RUNX1T1: variants seen among roughly 807,000 people sequenced by gnomAD.
The protein encoded by RUNX1T1 is protein CBFA2T1.
A neutral mutation model predicts 62.8 loss-of-function variants in RUNX1T1; 4 were observed. The observed-to-expected ratio is 0.06, with a 90% CI of 0.03 to 0.15. The LOEUF is 0.15. Among genes scored for constraint, RUNX1T1 ranks in the 10% least tolerant of loss-of-function variants. RUNX1T1 has a pLI of 1.00. For missense variants in RUNX1T1, 508 were observed against 754.3 expected (o/e 0.67, Z 3.82); for synonymous variants, 291 against 286.0 (o/e 1.02, Z -0.18).
chr8:92,103,104 G>A (rs1351191553), upstream of RUNX1T1: 2 of 416,552 alleles, frequency 4.8e-6, no homozygotes, highest in South Asian at 8.3e-5. Flanking sequence ...CCCGGGGTCG[G>A]GGACGCCAGC....
upstream of RUNX1T1, among the ~76,000 whole-genome samples, chr8:92,064,612 T>C (rs1008466603): frequency 2.6e-5 from 4 of 152,176 alleles, no homozygotes; most frequent in African/African-American, 9.6e-5. Context: ...TAATGCTACA[T>C]GCCACTGATT....
At chr8:91,975,577 T>C in intron 9 of RUNX1T1, among the ~76,000 whole-genome samples, 1 of 151,048 alleles carries the variant, frequency 6.6e-6, no homozygotes, top group East Asian at 2.0e-4. Context: ...AAAAAATGCA[T>C]GCAAGCTAAG....
intron 1 of RUNX1T1, among the ~76,000 whole-genome samples, chr8:92,017,918 A>C (rs1220794185): frequency 6.6e-6 from 1 of 152,224 alleles, no homozygotes; most frequent in Non-Finnish European, 1.5e-5. Flanking sequence ...CCCTGTTTTA[A>C]AAATCACTGC....
intron 1 of RUNX1T1, among the ~76,000 whole-genome samples, chr8:92,089,120 C>G (rs1836585245): frequency 6.6e-6 from 1 of 152,170 alleles, no homozygotes; most frequent in Non-Finnish European, 1.5e-5. Flanking sequence ...TAAGCTTCCA[C>G]TGTCATTTTG....
chr8:91,993,623 C>T (rs1818112859), intron 5 of RUNX1T1, among the ~76,000 whole-genome samples: 1 of 152,114 alleles, frequency 6.6e-6, no homozygotes, highest in Non-Finnish European at 1.5e-5. Flanking sequence ...TACCCTATCT[C>T]AGGCTTTTTT....
exon 1 of RUNX1T1, chr8:92,062,716 G>A: frequency 6.2e-7 from 1 of 1,601,058 alleles, no homozygotes; most frequent in Non-Finnish European, 8.5e-7. Flanking sequence ...GCGCCTGCCA[G>A]GCAGAGACAG....
chr8:91,964,921 CACTT>C (rs1195857964), intron 10 of RUNX1T1, among the ~76,000 whole-genome samples: 3 of 152,266 alleles, frequency 2.0e-5, no homozygotes, highest in Non-Finnish European at 2.9e-5. Flanking sequence ...AACCACAAGC[CACTT>C]ACTTAACCCT....
chr8:91,966,609 T>A (rs895964918), intron 10 of RUNX1T1, among the ~76,000 whole-genome samples: 1 of 152,144 alleles, frequency 6.6e-6, no homozygotes, highest in African/African-American at 2.4e-5. Context: ...TGGAAAAAGC[T>A]TTATCTGTAC....
chr8:92,099,582 T>G (rs1231792931), exon 1 of RUNX1T1: 1 of 979,814 alleles, frequency 1.0e-6, no homozygotes, highest in African/African-American at 1.7e-5. Context: ...TAACTTACAG[T>G]AATAGACTCC....
At chr8:92,020,330 C>T (rs1187739550) in intron 1 of RUNX1T1, among the ~76,000 whole-genome samples, 3 of 152,124 alleles carry the variant, frequency 2.0e-5, no homozygotes, top group Admixed American at 2.0e-4. Flanking sequence ...TTATAGCAAA[C>T]AGCACAAGCA....
chr8:91,960,251 G>T (rs1400748556), exon 11 of RUNX1T1: 1 of 1,608,862 alleles, frequency 6.2e-7, no homozygotes, highest in Admixed American at 1.7e-5. Flanking sequence ...TCTAGCGAGG[G>T]GTTGTCTCTA....
chr8:92,054,446 G>C (rs1221723166), intron 1 of RUNX1T1, among the ~76,000 whole-genome samples: 1 of 152,114 alleles, frequency 6.6e-6, no homozygotes, highest in Non-Finnish European at 1.5e-5. Context: ...TCTATAAAGA[G>C]GTTTAATAAC....
chr8:92,068,236 A>C (rs949044185), intron 2 of RUNX1T1, among the ~76,000 whole-genome samples: 5 of 152,212 alleles, frequency 3.3e-5, no homozygotes, highest in Non-Finnish European at 7.3e-5. Flanking sequence ...CACTCAGGTA[A>C]CATGGAAGAC....
intron 1 of RUNX1T1, among the ~76,000 whole-genome samples, chr8:92,020,778 T>C (rs938642597): frequency 6.6e-6 from 1 of 151,374 alleles, no homozygotes; most frequent in Non-Finnish European, 1.5e-5. Context: ...GATTTCAATA[T>C]CCAGTTCAGT....
intron 1 of RUNX1T1, among the ~76,000 whole-genome samples, chr8:92,042,745 G>A (rs1828690626): frequency 1.3e-5 from 2 of 152,194 alleles, no homozygotes; most frequent in Non-Finnish European, 2.9e-5. Flanking sequence ...ACATAATAAA[G>A]CACTAATAAA....
chr8:92,093,733 T>C (rs889835728), intron 1 of RUNX1T1, among the ~76,000 whole-genome samples: 1 of 152,212 alleles, frequency 6.6e-6, no homozygotes, highest in Non-Finnish European at 1.5e-5. Context: ...ATGTCACTCA[T>C]GCAACAAACT....
At chr8:92,024,423 T>C (rs4735027) in intron 1 of RUNX1T1, among the ~76,000 whole-genome samples, 150,061 of 150,062 alleles carry the variant, frequency 1, 75,030 homozygotes, top group Non-Finnish European at 1. Context: ...GCAGGAAAAT[T>C]TTTTGAGCCT....
upstream of RUNX1T1, among the ~76,000 whole-genome samples, chr8:92,065,189 A>C (rs1832695101): frequency 6.6e-6 from 1 of 152,196 alleles, no homozygotes; most frequent in South Asian, 2.1e-4. Context: ...TAAATAAATA[A>C]ATAAATAAAA....
At chr8:92,097,241 T>A (rs1321454081) in intron 1 of RUNX1T1, among the ~76,000 whole-genome samples, 3 of 152,194 alleles carry the variant, frequency 2.0e-5, no homozygotes, top group Non-Finnish European at 4.4e-5. Flanking sequence ...CCAGGTTCAA[T>A]AGTTAGAGAA....
Sources: gnomAD v4.1 joint callset for allele counts (sites outside exome capture counted in the v4.1 genomes callset) on GRCh38, gnomAD v4.1.1 for gene constraint, MANE v1.5 for transcripts, NCBI Gene and HGNC (gene_info 2026-07-23, HGNC 2026-07-21) for gene names.